ATP1A2: variants seen among roughly 807,000 people sequenced by gnomAD.
ATP1A2 encodes the protein ATPase Na+/K+ transporting subunit alpha 2.
Under a neutral mutation model 113.1 loss-of-function variants are expected in ATP1A2, and 56 were observed. The observed-to-expected ratio is 0.49, with a 90% CI of 0.40 to 0.62. The LOEUF is 0.62. Ranked by LOEUF, ATP1A2 falls within the 20% of genes least tolerant of loss-of-function variation. ATP1A2 has a pLI of 0.00. For missense variants in ATP1A2, 712 were observed against 1,357.8 expected, an observed-to-expected ratio of 0.52 and a Z score of 7.47; for synonymous variants, 490 against 526.8, an observed-to-expected ratio of 0.93 and a Z score of 0.96.
chr1:160,116,547 C>CT (rs1156497144), intron 1 of ATP1A2, among the ~76,000 whole-genome samples: 2 of 151,728 alleles, frequency 1.3e-5, no homozygotes, highest in Non-Finnish European at 1.5e-5. Context: ...GGTGACCCCC[C>CT]CCCCAGTCCA....
chr1:160,128,072 G>T (rs1281875218), intron 8 of ATP1A2, among the ~76,000 whole-genome samples: 1 of 152,174 alleles, frequency 6.6e-6, no homozygotes, highest in Non-Finnish European at 1.5e-5. Flanking sequence ...TCTGCCAGCA[G>T]TCTGGGTCTC....
intron 18 of ATP1A2, 88 bp from the exon 19 acceptor site, chr1:160,136,482 C>G (rs1419848148): frequency 8.1e-6 from 13 of 1,612,678 alleles, no homozygotes; most frequent in Non-Finnish European, 1.1e-5. Context: ...ACCCAAGGGT[C>G]AGGGACCTCC....
rs912478019 is a variant in ATP1A2 at position 160,123,103 on chromosome 1, G to T, written c.178-110G>T. 12 of 1,290,808 alleles carry T rather than the reference G, an allele frequency of 9.3e-6. No homozygotes were observed. In the South Asian group the frequency reaches 1.5e-4, roughly 16 times the overall value. The allele number at this position is 1,290,808 out of a possible 1,614,324, so 80.0% of individuals were successfully genotyped here. ...TCCCCCACCCCTTCCAACCAGGTGG[G>T]ACTTTCCTTCTGGGCATTCTTCCCA... On this transcript the variant is annotated intron_variant, in intron 3 of 22. Coordinates refer to ENST00000361216, the MANE Select transcript of ATP1A2 (RefSeq NM_000702.4).
At chr1:160,122,508 T>A (rs561785489) in intron 3 of ATP1A2, among the ~76,000 whole-genome samples, 2 of 150,658 alleles carry the variant, frequency 1.3e-5, no homozygotes, top group African/African-American at 4.9e-5. Flanking sequence ...TCCAATGCAA[T>A]ATGGTGAGTG....
chr1:160,140,925 C>T (rs1402535453), intron 22 of ATP1A2, among the ~76,000 whole-genome samples: 4 of 141,896 alleles, frequency 2.8e-5, no homozygotes, highest in Admixed American at 7.4e-5. Context: ...TGCAGTGGCA[C>T]GATCTCGGCT....
At chr1:160,129,712 T>C (rs1319717297) in intron 11 of ATP1A2, among the ~76,000 whole-genome samples, 1 of 152,160 alleles carries the variant, frequency 6.6e-6, no homozygotes, top group East Asian at 1.9e-4. Flanking sequence ...GTAATTCCTT[T>C]ATGGTGCCCC....
intron 1 of ATP1A2, among the ~76,000 whole-genome samples, chr1:160,120,357 C>G (rs1651353293): frequency 6.6e-6 from 1 of 152,164 alleles, no homozygotes; most frequent in Non-Finnish European, 1.5e-5. Flanking sequence ...ACCACCAGAC[C>G]TGGCTCTCCT....
In ATP1A2 at chr1:160,139,650, C is replaced by T; in HGVS notation, c.2851C>T (p.Leu951=). The T allele has an allele frequency of 3.7e-6, 6 of 1,614,152 alleles. No individual in the cohort carries two copies. Among genetic ancestry groups the T allele is most frequent in the Non-Finnish European group, 5.1e-6 (6 of 1,180,024 alleles). ...VFQQGMKNKI[L]IFGLLEETAL... is the part of the protein sequence containing the mutation. ...TTCTTTGCCTTTCAGGAACAAGATC[C>T]TGATTTTTGGGCTCCTGGAGGAGAC... Residue 951 remains leucine, a synonymous_variant, in exon 21 of 23, where the codon CTG becomes TTG. Transcript: ENST00000361216.
At chr1:160,123,482 G>GT in intron 4 of ATP1A2, 66 bp downstream of exon 4, 1 of 1,597,222 alleles carries the variant, frequency 6.3e-7, no homozygotes. Context: ...CCCCAACACA[G>GT]TGGGGGGTGG....
chr1:160,125,323 T>C, intron 7 of ATP1A2, 70 bp downstream of exon 7: 1 of 1,420,798 alleles, frequency 7.0e-7, no homozygotes, highest in Non-Finnish European at 9.9e-7. Context: ...TGAAGGGCTC[T>C]GGTAGTACTT....
chr1:160,143,334 A>T lies in ATP1A2; in HGVS notation c.*2012A>T, dbSNP rs536446352. The T allele has an allele frequency of 1.3e-5, 2 of 152,650 alleles. No homozygotes were observed. Among genetic ancestry groups the T allele is most frequent in the South Asian group, 4.1e-4 (2 of 4,830 alleles). 9.5% of individuals were successfully genotyped at this position (152,650 alleles called of 1,614,324 possible). On this transcript the variant is annotated 3_prime_UTR_variant, in exon 23 of 23. Transcript: ENST00000361216. ...TCTTTGCACAATCAATAAAAATGGC[A>T]TTTTTTTAGTAAATTAAGAGCATAA...
At chr1:160,126,306 G>C (rs1436011066) in intron 7 of ATP1A2, among the ~76,000 whole-genome samples, 1 of 151,902 alleles carries the variant, frequency 6.6e-6, no homozygotes, top group African/African-American at 2.4e-5. Context: ...TTTTTATACT[G>C]TTTTGTTTTT....
In ATP1A2 at chr1:160,130,498, C is replaced by T; in HGVS notation, c.1728C>T (p.Pro576=). Reference sequence around the variant, plus strand: ...TCGACACGGATGAGCTGAACTTTCCCACGGAGAAGCTTTGCTTTGTGGGGC... The same window carrying T: ...TCGACACGGATGAGCTGAACTTTCCTACGGAGAAGCTTTGCTTTGTGGGGC... ...FKFDTDELNF[P]TEKLCFVGLM... is the part of the protein sequence containing the mutation. The change falls in exon 13 of 23, where the codon CCC becomes CCT. Residue 576 remains proline (P), a synonymous_variant. Transcript: ENST00000361216. 1 of 1,614,226 alleles carries T rather than the reference C, an allele frequency of 6.2e-7. No individual in the cohort carries two copies. Among genetic ancestry groups the T allele is most frequent in the South Asian group, 1.1e-5 (1 of 91,088 alleles).
At chr1:160,130,043 C>G in intron 11 of ATP1A2, 59 bp from the exon 12 acceptor site, 2 of 1,606,536 alleles carry the variant, frequency 1.2e-6, no homozygotes, top group Non-Finnish European at 8.5e-7. Context: ...AGCTGCTGCT[C>G]TATGCCGCGC....
chr1:160,138,339 G>A (rs1382077813), intron 20 of ATP1A2, among the ~76,000 whole-genome samples: 2 of 152,216 alleles, frequency 1.3e-5, no homozygotes, highest in Non-Finnish European at 2.9e-5. Context: ...CGTGGTGATC[G>A]GATGCTGATT....
In ATP1A2 at chr1:160,123,938, A is replaced by G; in HGVS notation, c.382-5A>G. ...CAGGTCCCTGAAACTCTTTCTCCTTACCAGCTATATCTGGGTGTGGTGCTG... is the reference window on the plus strand; with the variant it reads ...CAGGTCCCTGAAACTCTTTCTCCTTGCCAGCTATATCTGGGTGTGGTGCTG... On this transcript the variant is annotated splice_region_variant and splice_polypyrimidine_tract_variant and intron_variant, in intron 4 of 22. Transcript: ENST00000361216. 6.2e-7 allele frequency: 1 copy of G among 1,613,842 alleles called. No individual in the cohort carries two copies. The highest frequency in any genetic ancestry group is 8.5e-7 in the Non-Finnish European group (1 of 1,179,800).
Position 160,136,542 on chromosome 1 carries a change from GC to G in ATP1A2, c.2564-24del, listed in dbSNP as rs767086392. 4 of 1,614,206 alleles carry G rather than the reference GC, an allele frequency of 2.5e-6. No individual in the cohort carries two copies. The Admixed American group carries it at 6.7e-5, about 27-fold the overall frequency. ...CCCTTCTGCTTCCTGCTCTGACCCT[GC>G]CCCTGCCTTTGGCCCTCTACCCACA... On this transcript the variant is annotated intron_variant, in intron 18 of 22. Coordinates refer to ENST00000361216, the MANE Select transcript of ATP1A2 (RefSeq NM_000702.4).
intron 4 of ATP1A2, 101 bp downstream of exon 4, chr1:160,123,517 C>A: frequency 7.0e-7 from 1 of 1,432,420 alleles, no homozygotes; most frequent in Admixed American, 1.7e-5. Context: ...CCTCACATAA[C>A]AGTCCTACAG....
intron 1 of ATP1A2, among the ~76,000 whole-genome samples, chr1:160,117,939 T>G (rs1570980879): frequency 1.5e-5 from 2 of 133,746 alleles, no homozygotes; most frequent in East Asian, 2.2e-4. Flanking sequence ...GACTTGTGGT[T>G]GGGGGAGGGA....
Sources: allele counts gnomAD v4.1 joint callset (sites outside exome capture counted in the v4.1 genomes callset), GRCh38; gene constraint gnomAD v4.1.1; transcripts MANE v1.5; gene names NCBI Gene and HGNC (gene_info 2026-07-23, HGNC 2026-07-21).